MCF2L2: variants seen among roughly 807,000 people sequenced by gnomAD.
The protein encoded by MCF2L2 is probable guanine nucleotide exchange factor MCF2L2.
In MCF2L2, 102 loss-of-function variants were observed where a neutral mutation model predicts 150.2. That is an observed-to-expected ratio of 0.68 (90% CI 0.58 to 0.80). The LOEUF (loss-of-function observed/expected upper bound fraction) is 0.80, where lower values mean the gene tolerates loss of function less well. Among genes scored for constraint, MCF2L2 ranks in the 30% least tolerant of loss-of-function variants. The pLI, the probability that MCF2L2 is intolerant of heterozygous loss-of-function variation, is 0.00. For synonymous variants in MCF2L2, 465 were observed against 491.3 expected, an observed-to-expected ratio of 0.95 and a Z score of 0.71; for missense variants, 1,256 against 1,372.8, an observed-to-expected ratio of 0.91 and a Z score of 1.34.
At chr3:183,235,622 C>T (rs532000879) in intron 15 of MCF2L2, among the ~76,000 whole-genome samples, 3 of 102,066 alleles carry the variant, frequency 2.9e-5, no homozygotes, top group East Asian at 2.6e-4. Context: ...GAGTAGGTTG[C>T]GAAAATTTTC....
chr3:183,281,524 C>T (rs1727480545), intron 14 of MCF2L2, among the ~76,000 whole-genome samples: 1 of 152,098 alleles, frequency 6.6e-6, no homozygotes, highest in Non-Finnish European at 1.5e-5. Flanking sequence ...TTTCATTGGC[C>T]GCAAAAGCCA....
At chr3:183,361,472 T>A (rs1221522812) in intron 3 of MCF2L2, among the ~76,000 whole-genome samples, 2 of 152,196 alleles carry the variant, frequency 1.3e-5, no homozygotes, top group Non-Finnish European at 2.9e-5. Flanking sequence ...TAGTGAGTTC[T>A]CATGAGATCT....
chr3:183,323,752 G>A (rs532404253), intron 5 of MCF2L2, among the ~76,000 whole-genome samples: 8 of 149,216 alleles, frequency 5.4e-5, no homozygotes, highest in Non-Finnish European at 1.2e-4. Flanking sequence ...AACAGTGATC[G>A]CACCATGGCA....
chr3:183,195,897 C>T lies in MCF2L2; in HGVS notation c.2885-642G>A, dbSNP rs578180504. Reference sequence around the variant, plus strand: ...GGTTCCTGGGCCCACCTTTTACTACCGATGTGACTGCCACATGTTGCCCAG... The same window carrying T: ...GGTTCCTGGGCCCACCTTTTACTACTGATGTGACTGCCACATGTTGCCCAG... On this transcript the variant is annotated intron_variant, in intron 25 of 29. Coordinates refer to ENST00000328913, the MANE Select transcript of MCF2L2 (RefSeq NM_015078.4). Among the ~76,000 whole-genome samples, 13 of 152,306 alleles carry T rather than the reference C, an allele frequency of 8.5e-5. No homozygotes were observed. In the South Asian group the frequency reaches 1.4e-3, roughly 17 times the overall value.
chr3:183,408,248 C>CA (rs571514053), intron 1 of MCF2L2, among the ~76,000 whole-genome samples: 183 of 152,300 alleles, frequency 1.2e-3, no homozygotes, highest in African/African-American at 4.3e-3. Flanking sequence ...GAGACCACAA[C>CA]ATCAGCCCAA....
rs554174360 is a variant in MCF2L2 at position 183,252,300 on chromosome 3, C to T, written c.1863-21283G>A. Among the ~76,000 whole-genome samples the T allele has an allele frequency of 1.3e-4, 20 of 152,226 alleles. No homozygotes were observed. The South Asian group carries it at 1.9e-3, about 14-fold the overall frequency. On this transcript the variant is annotated intron_variant, in intron 15 of 29. Transcript: ENST00000328913. ...AATGAATCAGCTTATTTGTGGGTCA[C>T]TGTCAATGACTCCTTTGCAAATCAC...
rs1282357451 is a variant in MCF2L2 at position 183,266,445 on chromosome 3, T to TA, written c.1862+10426_1862+10427insT. Among the ~76,000 whole-genome samples the TA allele has an allele frequency of 4.6e-5, 7 of 152,206 alleles. No individual in the cohort carries two copies. The East Asian group carries it at 1.3e-3, about 29-fold the overall frequency. On this transcript the variant is annotated intron_variant, in intron 15 of 29. Transcript: ENST00000328913. ...AATTTTCCTAGAATTCTCAAAAATGTGTATGCTGGCTTAAAATCTGCCATC... is the reference window on the plus strand; with the variant it reads ...AATTTTCCTAGAATTCTCAAAAATGTAGTATGCTGGCTTAAAATCTGCCATC...
intron 2 of MCF2L2, among the ~76,000 whole-genome samples, chr3:183,382,710 T>A (rs1272919100): frequency 2.6e-5 from 4 of 152,176 alleles, no homozygotes; most frequent in Admixed American, 2.6e-4. Context: ...AAATGATAAC[T>A]TAAAATAAAC....
chr3:183,368,891 C>T (rs1324947683), intron 3 of MCF2L2, among the ~76,000 whole-genome samples: 1 of 152,170 alleles, frequency 6.6e-6, no homozygotes, highest in African/African-American at 2.4e-5. Flanking sequence ...CCATGTTTAT[C>T]ATCTCCGTGA....
rs775001917 is a variant in MCF2L2, at chr3:183,289,234, C to T, written c.1676-14G>A. The T allele has an allele frequency of 3.0e-5, 46 of 1,543,088 alleles. No homozygotes were observed. Among genetic ancestry groups the T allele is most frequent in the Non-Finnish European group, 4.0e-5 (45 of 1,116,366 alleles). On this transcript the variant is annotated splice_polypyrimidine_tract_variant and intron_variant, in intron 13 of 29. Transcript: ENST00000328913. ...GAGCTAGAGGGACTAAGAGAACCTG[C>T]CATTAGTGTGGTTATTTAACTTATA...
chr3:183,382,051 TTTATTA>T (rs3050286), intron 2 of MCF2L2, among the ~76,000 whole-genome samples: 19 of 148,378 alleles, frequency 1.3e-4, no homozygotes, highest in South Asian at 2.2e-4. Flanking sequence ...AATTTCACCT[TTTATTA>T]TTATTATTAT....
intron 4 of MCF2L2, among the ~76,000 whole-genome samples, chr3:183,340,139 C>A (rs989102549): frequency 6.6e-6 from 1 of 152,194 alleles, no homozygotes; most frequent in East Asian, 1.9e-4. Flanking sequence ...TCTTCCCCAT[C>A]TTTAAATGCA....
intron 18 of MCF2L2, chr3:183,226,546 C>T (rs559875972): frequency 6.6e-6 from 1 of 152,296 alleles, no homozygotes; most frequent in African/African-American, 2.4e-5. Flanking sequence ...CAATGTTCCT[C>T]CCAACATGGC....
intron 10 of MCF2L2, among the ~76,000 whole-genome samples, chr3:183,306,672 T>G (rs1729114986): frequency 6.6e-6 from 1 of 152,084 alleles, no homozygotes; most frequent in Non-Finnish European, 1.5e-5. Context: ...AAGCTAATGG[T>G]TGTTGAAATT....
chr3:183,334,481 T>G (rs1730389172), intron 5 of MCF2L2, among the ~76,000 whole-genome samples: 1 of 151,972 alleles, frequency 6.6e-6, no homozygotes, highest in African/African-American at 2.4e-5. Flanking sequence ...ATGTATCACT[T>G]AAGTAGCATA....
intron 1 of MCF2L2, among the ~76,000 whole-genome samples, chr3:183,410,100 A>G (rs920293139): frequency 7.9e-5 from 12 of 152,294 alleles, no homozygotes; most frequent in Middle Eastern, 3.4e-3. Context: ...AGAAAGACCA[A>G]TGCAATCTCT....
chr3:183,282,979 T>TA (rs1198196011), intron 14 of MCF2L2, among the ~76,000 whole-genome samples: 2 of 152,206 alleles, frequency 1.3e-5, no homozygotes, highest in Non-Finnish European at 2.9e-5. Context: ...TCAGCTGTCA[T>TA]AAGCCTTTAC....
chr3:183,335,013 GA>G (rs1310553731), intron 5 of MCF2L2, among the ~76,000 whole-genome samples: 1 of 151,642 alleles, frequency 6.6e-6, no homozygotes, highest in Non-Finnish European at 1.5e-5. Flanking sequence ...AGCTACTCAG[GA>G]ATCTGAGGTG....
chr3:183,181,165 C>T lies in MCF2L2; in HGVS notation c.3017-1006G>A, dbSNP rs1187626095. Among the ~76,000 whole-genome samples the T allele has an allele frequency of 2.0e-5, 3 of 152,166 alleles. No homozygotes were observed. The highest frequency in any genetic ancestry group is 4.1e-4 in the South Asian group (2 of 4,830). On this transcript the variant is annotated intron_variant, in intron 27 of 29. Coordinates refer to ENST00000328913, the MANE Select transcript of MCF2L2 (RefSeq NM_015078.4). The surrounding 1 kb of genome is among the most constrained non-coding windows in gnomAD (Gnocchi z 4.3). ...TCTGGGCAGAGGCATGGCCAGAGGG[C>T]GGTAGGCGGCAGTGGAGGGAGCTGC... is the stretch of plus-strand genomic sequence containing the variant.
Sources: gnomAD v4.1 joint callset for allele counts (sites outside exome capture counted in the v4.1 genomes callset) on GRCh38, gnomAD v4.1.1 for gene constraint, Gnocchi (gnomAD v3.1) non-coding constraint, MANE v1.5 for transcripts, NCBI Gene and HGNC (gene_info 2026-07-23, HGNC 2026-07-21) for gene names.